LRRC7: variants seen among roughly 807,000 people sequenced by gnomAD.
LRRC7 encodes the protein leucine-rich repeat-containing protein 7.
In LRRC7, 23 loss-of-function variants were observed where a neutral mutation model predicts 175.7. The observed-to-expected ratio is 0.13, with a 90% CI of 0.09 to 0.19. LRRC7 has a LOEUF of 0.19. Among genes scored for constraint, LRRC7 ranks in the 10% least tolerant of loss-of-function variants. The pLI is 1.00. For missense variants in LRRC7, 1,354 were observed against 1,904.7 expected (o/e 0.71, Z 5.38); for synonymous variants, 685 against 680.9 (o/e 1.01, Z -0.09).
intron 3 of LRRC7, among the ~76,000 whole-genome samples, chr1:69,781,714 A>G (rs1352483024): frequency 2.5e-4 from 8 of 31,622 alleles, no homozygotes; most frequent in African/African-American, 1.4e-3. Context: ...AAAGAAAGAA[A>G]GAAAGAAAGA....
At chr1:69,882,974 T>C (rs1686790675) in intron 7 of LRRC7, among the ~76,000 whole-genome samples, 1 of 152,068 alleles carries the variant, frequency 6.6e-6, no homozygotes, top group African/African-American at 2.4e-5. Flanking sequence ...TAGTATTCCA[T>C]GGTGTATATG....
intron 2 of LRRC7, among the ~76,000 whole-genome samples, chr1:69,683,401 C>T (rs1249431842): frequency 2.6e-5 from 4 of 152,040 alleles, no homozygotes; most frequent in African/African-American, 9.7e-5. Context: ...TATGGTTTTC[C>T]ATTGCTCATT....
rs114503419 is a variant in LRRC7 at position 70,101,326 on chromosome 1, T to C, written c.4546-6426T>C. ...ATAATTTTTACTTGAGATATAGTCT[T>C]TCTAGAAACCAATTTCTCAGCATCA... On this transcript the variant is annotated intron_variant, in intron 25 of 26. Transcript: ENST00000651989. Among the ~76,000 whole-genome samples the C allele has an allele frequency of 3.3e-3, 509 of 152,310 alleles. 2 individuals are homozygous for C. Among genetic ancestry groups the C allele is most frequent in the African/African-American group, 0.01 (421 of 41,574 alleles).
intron 7 of LRRC7, among the ~76,000 whole-genome samples, chr1:69,885,452 C>G (rs202027079): frequency 2.8e-5 from 4 of 142,944 alleles, no homozygotes; most frequent in Non-Finnish European, 6.0e-5. Context: ...TCTGTGGGAT[C>G]GGTGGTGATA....
In LRRC7 at chr1:69,871,307, T is replaced by C. The variant is rs545029907; in HGVS notation, c.647+33024T>C. ...AGACTATTGATTGCTATATTACTGT[T>C]CTGTTAGACAATTTTATTTTTGAAT... On this transcript the variant is annotated intron_variant, in intron 7 of 26. Coordinates refer to ENST00000651989, the MANE Select transcript of LRRC7 (RefSeq NM_001370785.2). Among the ~76,000 whole-genome samples the C allele has an allele frequency of 2.2e-4, 33 of 152,148 alleles. No homozygotes were observed. The South Asian group carries it at 6.8e-3, about 32-fold the overall frequency.
chr1:69,686,490 AG>A (rs1469639637), intron 2 of LRRC7, among the ~76,000 whole-genome samples: 6 of 152,192 alleles, frequency 3.9e-5, no homozygotes, highest in Non-Finnish European at 7.4e-5. Flanking sequence ...AATTGATATA[AG>A]GTTTCTCTAC....
chr1:69,867,358 T>C (rs540133429), intron 7 of LRRC7, among the ~76,000 whole-genome samples: 1 of 152,192 alleles, frequency 6.6e-6, no homozygotes, highest in Non-Finnish European at 1.5e-5. Context: ...CTCAGGCTGA[T>C]TCGCTCAGGT....
At position 70,137,501 on chromosome 1, in the gene LRRC7, T is replaced by A. The variant is rs1423633975; in HGVS notation, c.*15614T>A. Among the ~76,000 whole-genome samples the A allele has an allele frequency of 6.6e-6, 1 of 152,230 alleles. No individual in the cohort carries two copies. Among genetic ancestry groups the A allele is most frequent in the Non-Finnish European group, 1.5e-5 (1 of 68,034 alleles). On this transcript the variant is annotated 3_prime_UTR_variant, in exon 27 of 27. Coordinates refer to ENST00000651989, the MANE Select transcript of LRRC7 (RefSeq NM_001370785.2). ...ACTTGCATATCTTTAACACTTATCATGTACCTACATACAAGGAAAACATTA... is the reference window on the plus strand; with the variant it reads ...ACTTGCATATCTTTAACACTTATCAAGTACCTACATACAAGGAAAACATTA...
At position 70,140,940 on chromosome 1, in the gene LRRC7, A is replaced by AAAC. The variant is rs1313182479; in HGVS notation, c.*19057_*19059dup. On this transcript the variant is annotated 3_prime_UTR_variant, in exon 27 of 27. Coordinates refer to ENST00000651989, the MANE Select transcript of LRRC7 (RefSeq NM_001370785.2). ...AAGCAACTTTCAGTCATTTTTCTAT[A>AAAC]AACAACTTTCCTCAGTTCGCAACTG... Among the ~76,000 whole-genome samples, 1 of 152,114 alleles carries AAAC rather than the reference A, an allele frequency of 6.6e-6. No individual in the cohort carries two copies. The highest frequency in any genetic ancestry group is 1.5e-5 in the Non-Finnish European group (1 of 68,006).
rs142244567 is a variant in LRRC7 at position 69,938,010 on chromosome 1, G to A, written c.711+6440G>A. Among the ~76,000 whole-genome samples, 3 of 151,342 alleles carry A rather than the reference G, an allele frequency of 2.0e-5. No homozygotes were observed. The East Asian group carries it at 5.8e-4, about 29-fold the overall frequency. On this transcript the variant is annotated intron_variant, in intron 8 of 26. Coordinates refer to ENST00000651989, the MANE Select transcript of LRRC7 (RefSeq NM_001370785.2). Reference sequence around the variant, plus strand: ...TCACCAAGATATTTCTAAATTATAGGCTACTCAATTTCTGGATTAAAGAAC... The same window carrying A: ...TCACCAAGATATTTCTAAATTATAGACTACTCAATTTCTGGATTAAAGAAC...
chr1:70,009,779 A>G (rs1419983324), intron 11 of LRRC7, among the ~76,000 whole-genome samples: 2 of 152,242 alleles, frequency 1.3e-5, no homozygotes, highest in African/African-American at 4.8e-5. Flanking sequence ...GTGTTTCACC[A>G]CAACTCATTC....
rs567932309 is a variant in LRRC7 at position 69,840,877 on chromosome 1, A to T, written c.647+2594A>T. On this transcript the variant is annotated intron_variant, in intron 7 of 26. Transcript: ENST00000651989. ...AGATTATGTGATACAGTTTTTCCTT[A>T]CACAAGAATTATCTTCCTAATTGTG... is the stretch of plus-strand genomic sequence containing the variant. Among the ~76,000 whole-genome samples, 3 of 152,262 alleles carry T rather than the reference A, an allele frequency of 2.0e-5. No individual in the cohort carries two copies. In the South Asian group the frequency reaches 6.2e-4, roughly 32 times the overall value.
chr1:69,746,567 G>A (rs555075506), intron 2 of LRRC7, among the ~76,000 whole-genome samples: 3 of 151,824 alleles, frequency 2.0e-5, no homozygotes, highest in Non-Finnish European at 4.4e-5. Flanking sequence ...TTATATATTT[G>A]CTTTGTTTAT....
At chr1:69,603,135 T>C (rs1238715427) in intron 1 of LRRC7, among the ~76,000 whole-genome samples, 1 of 152,172 alleles carries the variant, frequency 6.6e-6, no homozygotes, top group African/African-American at 2.4e-5. Context: ...GTCATTTCTC[T>C]TTTTCTCTCT....
intron 26 of LRRC7, among the ~76,000 whole-genome samples, chr1:70,120,900 A>G (rs1666170046): frequency 2.0e-5 from 3 of 152,108 alleles, no homozygotes; most frequent in South Asian, 2.1e-4. Flanking sequence ...TACGGCAGTG[A>G]AGGCTTATGG....
chr1:69,737,265 G>A (rs577743535), intron 2 of LRRC7, among the ~76,000 whole-genome samples: 2 of 152,070 alleles, frequency 1.3e-5, no homozygotes, highest in East Asian at 3.9e-4. Flanking sequence ...ATGCCAATGG[G>A]TTTTTCCCAT....
At chr1:69,705,853 A>G (rs919077407) in intron 2 of LRRC7, among the ~76,000 whole-genome samples, 1 of 152,252 alleles carries the variant, frequency 6.6e-6, no homozygotes, top group African/African-American at 2.4e-5. Context: ...AATTTTTAAC[A>G]CTCTCAGAGG....
At chr1:69,686,312 G>A (rs767065818) in intron 2 of LRRC7, among the ~76,000 whole-genome samples, 1 of 152,150 alleles carries the variant, frequency 6.6e-6, no homozygotes, top group Non-Finnish European at 1.5e-5. Context: ...CCTTCAGGAA[G>A]TAAAGAACAG....
chr1:69,571,579 T>TA (rs1010198805), intron 1 of LRRC7, among the ~76,000 whole-genome samples: 1 of 152,200 alleles, frequency 6.6e-6, no homozygotes, highest in Non-Finnish European at 1.5e-5. Flanking sequence ...AGTACATGAT[T>TA]AAATATTTGA....
Sources: gnomAD v4.1 joint callset for allele counts (sites outside exome capture counted in the v4.1 genomes callset) on GRCh38, gnomAD v4.1.1 for gene constraint, MANE v1.5 for transcripts, NCBI Gene and HGNC (gene_info 2026-07-23, HGNC 2026-07-21) for gene names.